The following SEMA3F variants were observed in gnomAD, a reference collection of about 807,000 sequenced individuals.
SEMA3F encodes semaphorin-3F.
In SEMA3F, 30 loss-of-function variants were observed where a neutral mutation model predicts 98.5. The observed-to-expected ratio is 0.30, with a 90% CI of 0.23 to 0.41. The LOEUF (loss-of-function observed/expected upper bound fraction) is 0.41, where lower values mean the gene tolerates loss of function less well. Among genes scored for constraint, SEMA3F ranks in the 10% least tolerant of loss-of-function variants. The pLI is 1.00. For missense variants in SEMA3F, 866 were observed against 1,119.3 expected, an observed-to-expected ratio of 0.77 and a Z score of 3.23; for synonymous variants, 380 against 444.8, an observed-to-expected ratio of 0.85 and a Z score of 1.83.
rs369738398 is a variant in SEMA3F at position 50,187,990 on chromosome 3, T to C, written c.2233T>C (p.Tyr745His). Reference protein sequence around the residue: ...AQPEVGLIHQYCQGYWRHVPP... With the variant: ...AQPEVGLIHQHCQGYWRHVPP... ...GCCAGAAGTGGGCCTCATCCACCAG[T>C]ACTGCCAGGGTTACTGGCGCCATGT... is the stretch of plus-strand genomic sequence containing the variant. Residue 745 changes from tyrosine to histidine, a missense_variant, in exon 19 of 19, where the codon TAC becomes CAC. Tyr to His is a moderately conservative substitution (Grantham distance 83). Coordinates refer to ENST00000002829, the MANE Select transcript of SEMA3F (RefSeq NM_004186.5). The C allele has an allele frequency of 5.6e-6, 9 of 1,607,700 alleles. No homozygotes were observed. In the Admixed American group the frequency reaches 8.4e-5, roughly 15 times the overall value.
At chr3:50,157,910 C>T (rs891110454) in intron 1 of SEMA3F, among the ~76,000 whole-genome samples, 4 of 152,148 alleles carry the variant, frequency 2.6e-5, no homozygotes, top group Non-Finnish European at 5.9e-5. Context: ...TACATAGTAT[C>T]GAAGCTCTCT....
At chr3:50,176,221 G>A (rs1056203459) in intron 6 of SEMA3F, among the ~76,000 whole-genome samples, 1 of 152,082 alleles carries the variant, frequency 6.6e-6, no homozygotes, top group Admixed American at 6.5e-5. Context: ...ATGGCCCATT[G>A]GTCCATCCTG....
Position 50,166,089 on chromosome 3 carries a change from C to T in SEMA3F, c.112+6355C>T, listed in dbSNP as rs1399661524. On this transcript the variant is annotated intron_variant, in intron 2 of 18. Transcript: ENST00000002829. This position sits in a 1 kb window ranked among gnomAD's most constrained non-coding sequence, Gnocchi z 4.7. ...CCTCAGCTCCGGATCCCCCTTCCCC[C>T]ACTCTTCTTCCTTCCTTCCTCCCCC... 2.6e-5 allele frequency among the ~76,000 whole-genome samples: 4 copies of T among 152,256 alleles called. No homozygotes were observed. Among genetic ancestry groups the T allele is most frequent in the South Asian group, 4.1e-4 (2 of 4,828 alleles).
rs997118266 is a variant in SEMA3F at position 50,166,523 on chromosome 3, G to C, written c.112+6789G>C. Among the ~76,000 whole-genome samples the C allele has an allele frequency of 6.6e-6, 1 of 152,154 alleles. No homozygotes were observed. Among genetic ancestry groups the C allele is most frequent in the Admixed American group, 6.5e-5 (1 of 15,274 alleles). On this transcript the variant is annotated intron_variant, in intron 2 of 18. Coordinates refer to ENST00000002829, the MANE Select transcript of SEMA3F (RefSeq NM_004186.5). The surrounding 1 kb of genome is among the most constrained non-coding windows in gnomAD (Gnocchi z 4.7). The stretch of plus-strand genomic sequence containing the variant: ...CTGGCTACCTGCTGAGTCCTGCTGA[G>C]GTCCTAACCCAGCCTCACTGCATCC...
At position 50,158,537 on chromosome 3, in the gene SEMA3F, C is replaced by T. The variant is rs143939968; in HGVS notation, c.-48-1038C>T. ...GAGTCCCAGGCCATAGTACTGCCAA[C>T]TCCCATCCCAGCATCCTAGAGATGG... is the stretch of plus-strand genomic sequence containing the variant. On this transcript the variant is annotated intron_variant, in intron 1 of 18. Transcript: ENST00000002829. The surrounding 1 kb of genome is among the most constrained non-coding windows in gnomAD (Gnocchi z 4.8). Among the ~76,000 whole-genome samples the T allele has an allele frequency of 6.6e-6, 1 of 152,234 alleles. No homozygotes were observed. Among genetic ancestry groups the T allele is most frequent in the African/African-American group, 2.4e-5 (1 of 41,460 alleles).
intron 2 of SEMA3F, among the ~76,000 whole-genome samples, chr3:50,165,366 T>C (rs758545411): frequency 6.6e-6 from 1 of 152,230 alleles, no homozygotes; most frequent in Non-Finnish European, 1.5e-5. Flanking sequence ...ATATGTATTA[T>C]GGAAAAATTC....
chr3:50,183,116 T>C (rs1699078143), intron 10 of SEMA3F, 70 bp from the exon 11 acceptor site: 5 of 1,564,830 alleles, frequency 3.2e-6, no homozygotes, highest in Middle Eastern at 1.7e-4. Flanking sequence ...CCCTCCCCTG[T>C]GCAGGAGTGG....
At chr3:50,175,925 G>A (rs1698792526) in intron 6 of SEMA3F, among the ~76,000 whole-genome samples, 1 of 152,074 alleles carries the variant, frequency 6.6e-6, no homozygotes, top group Non-Finnish European at 1.5e-5. Flanking sequence ...CTGGAAGTAG[G>A]CCTGTGTGCA....
intron 2 of SEMA3F, among the ~76,000 whole-genome samples, chr3:50,162,432 A>T (rs1018659623): frequency 1.3e-5 from 2 of 152,134 alleles, no homozygotes; most frequent in African/African-American, 4.8e-5. Context: ...TCAAATGGAG[A>T]TTTCCAGGAG....
rs1331577659 is a variant in SEMA3F at position 50,175,001 on chromosome 3, T to C, written c.457-95T>C. ...TGGGGGGCCCACGTGTTCACGTGTG[T>C]TCCTGGCCTGTGTGGTGTTAGAGGC... On this transcript the variant is annotated intron_variant, in intron 5 of 18. Transcript: ENST00000002829. 4.8e-6 allele frequency: 4 copies of C among 825,422 alleles called. No individual in the cohort carries two copies. The African/African-American group carries it at 5.0e-5, about 10-fold the overall frequency. 51.1% of individuals were successfully genotyped at this position (825,422 alleles called of 1,614,324 possible).
In SEMA3F at chr3:50,155,419, G is replaced by C; in HGVS notation, c.-194G>C. On this transcript the variant is annotated 5_prime_UTR_variant, in exon 1 of 19. Coordinates refer to ENST00000002829, the MANE Select transcript of SEMA3F (RefSeq NM_004186.5). This position sits in a 1 kb window ranked among gnomAD's most constrained non-coding sequence, Gnocchi z 4.9. The stretch of plus-strand genomic sequence containing the variant: ...GCGGAACCGGTTAAGCCGCGGCCGC[G>C]GCGCCGATCCCGGCTGAGGCGCAGC... 1 of 275,364 alleles carries C rather than the reference G, an allele frequency of 3.6e-6. No homozygotes were observed. 17.1% of individuals were successfully genotyped at this position (275,364 alleles called of 1,614,324 possible). A position where few individuals can be genotyped will look rare whatever the true frequency, so the allele number is the denominator to read the frequency against.
In SEMA3F at chr3:50,187,860, C is replaced by G; in HGVS notation, c.2103C>G (p.Ala701=). The change falls in exon 19 of 19, where the codon GCC becomes GCG. Residue 701 remains alanine, a synonymous_variant. Coordinates refer to ENST00000002829, the MANE Select transcript of SEMA3F (RefSeq NM_004186.5). Reference sequence around the variant, plus strand: ...AGCTGCATGTACTGGGCCGGGACGCCGTCCATGCTGCCCTCTTCCCACCAC... The same window carrying G: ...AGCTGCATGTACTGGGCCGGGACGCGGTCCATGCTGCCCTCTTCCCACCAC... ...RVQLHVLGRD[A]VHAALFPPLS... 8 of 1,613,264 alleles carry G rather than the reference C, an allele frequency of 5.0e-6. No individual in the cohort carries two copies. Among genetic ancestry groups the G allele is most frequent in the Middle Eastern group, 1.6e-4 (1 of 6,062 alleles).
intron 2 of SEMA3F, among the ~76,000 whole-genome samples, chr3:50,170,009 G>A (rs1698541122): frequency 6.6e-6 from 1 of 152,158 alleles, no homozygotes; most frequent in South Asian, 2.1e-4. Flanking sequence ...GGGAGCAGGG[G>A]ACAGGACACC....
chr3:50,176,751 C>T lies in SEMA3F; in HGVS notation c.550-17C>T. 6.3e-7 allele frequency: 1 copy of T among 1,581,442 alleles called. No individual in the cohort carries two copies. Reference sequence around the variant, plus strand: ...GGGACTGGCCTGGACGATGCTGAGCCCCGCTCTGCCTTACAGGATTACATC... The same window carrying T: ...GGGACTGGCCTGGACGATGCTGAGCTCCGCTCTGCCTTACAGGATTACATC... On this transcript the variant is annotated splice_polypyrimidine_tract_variant and intron_variant, in intron 6 of 18. Transcript: ENST00000002829.
At chr3:50,185,761 G>A in intron 15 of SEMA3F, 54 bp downstream of exon 15, 1 of 1,611,398 alleles carries the variant, frequency 6.2e-7, no homozygotes, top group Non-Finnish European at 8.5e-7. Flanking sequence ...CATCCCCTCA[G>A]GGTCATGCCC....
intron 16 of SEMA3F, 62 bp from the exon 17 acceptor site, chr3:50,186,219 A>G: frequency 6.4e-7 from 1 of 1,560,814 alleles, no homozygotes; most frequent in Non-Finnish European, 8.8e-7. Context: ...AGTCAGGGAG[A>G]TACAGGGACC....
chr3:50,166,153 C>T lies in SEMA3F; in HGVS notation c.112+6419C>T, dbSNP rs116643969. Among the ~76,000 whole-genome samples the T allele has an allele frequency of 2.3e-3, 349 of 151,868 alleles. 2 individuals are homozygous for T. The highest frequency in any genetic ancestry group is 7.9e-3 in the African/African-American group (327 of 41,356). ...CTCCACCCCTCCCTTTGCCACCCCTCTTGGCTTCCTACCCGGACATGCTCT... is the reference window on the plus strand; with the variant it reads ...CTCCACCCCTCCCTTTGCCACCCCTTTTGGCTTCCTACCCGGACATGCTCT... On this transcript the variant is annotated intron_variant, in intron 2 of 18. Transcript: ENST00000002829. The surrounding 1 kb of genome is among the most constrained non-coding windows in gnomAD (Gnocchi z 4.7).
chr3:50,175,195 C>A lies in SEMA3F; in HGVS notation c.549+7C>A. 1 of 1,568,702 alleles carries A rather than the reference C, an allele frequency of 6.4e-7. No individual in the cohort carries two copies. Among genetic ancestry groups the A allele is most frequent in the Non-Finnish European group, 8.7e-7 (1 of 1,150,064 alleles). The stretch of plus-strand genomic sequence containing the variant: ...GCCCACAGCCCCACGCCAGGTGGGC[C>A]TCATCCCTCCAGGCCTTTGCCAGGC... On this transcript the variant is annotated splice_region_variant and intron_variant, in intron 6 of 18. Transcript: ENST00000002829.
At chr3:50,173,660 A>G in intron 2 of SEMA3F, 133 bp from the exon 3 acceptor site, 1 of 700,072 alleles carries the variant, frequency 1.4e-6, no homozygotes, top group Non-Finnish European at 2.4e-6. Flanking sequence ...AAAAAAAGAA[A>G]GAAAGAAAAA....
Sources: gnomAD v4.1 joint callset for allele counts (sites outside exome capture counted in the v4.1 genomes callset) on GRCh38, gnomAD v4.1.1 for gene constraint, Gnocchi (gnomAD v3.1) non-coding constraint, MANE v1.5 for transcripts, NCBI Gene and HGNC (gene_info 2026-07-23, HGNC 2026-07-21) for gene names.